SHISA6: variants seen among roughly 807,000 people sequenced by gnomAD.
SHISA6 encodes protein shisa-6.
In SHISA6, 22 loss-of-function variants were observed where a neutral mutation model predicts 47.9. That is an observed-to-expected ratio of 0.46 (90% CI 0.33 to 0.66). SHISA6 has a LOEUF of 0.66. SHISA6 is among the 30% of genes least tolerant of loss of function. SHISA6 has a pLI of 0.02. For synonymous variants in SHISA6, 388 were observed against 337.8 expected, an observed-to-expected ratio of 1.15 and a Z score of -1.63; for missense variants, 680 against 764.6, an observed-to-expected ratio of 0.89 and a Z score of 1.30.
chr17:11,557,030 G>A (rs1309764234), intron 5 of SHISA6, among the ~76,000 whole-genome samples: 2 of 152,268 alleles, frequency 1.3e-5, no homozygotes, highest in African/African-American at 4.8e-5. Context: ...TAAATGAGGC[G>A]CACATGTAAG....
At chr17:11,435,656 G>C (rs1296081076) in intron 3 of SHISA6, among the ~76,000 whole-genome samples, 3 of 152,170 alleles carry the variant, frequency 2.0e-5, no homozygotes, top group African/African-American at 7.2e-5. Flanking sequence ...TTCATCTGAA[G>C]GGGGTATCAT....
chr17:11,555,373 A>G (rs571015666), intron 4 of SHISA6, among the ~76,000 whole-genome samples: 3 of 152,272 alleles, frequency 2.0e-5, no homozygotes, highest in Admixed American at 1.3e-4. Flanking sequence ...GCTATTAGGA[A>G]AAGGACAGCA....
intron 3 of SHISA6, among the ~76,000 whole-genome samples, chr17:11,454,299 G>A (rs1469867549): frequency 1.3e-5 from 2 of 151,996 alleles, no homozygotes; most frequent in Admixed American, 1.3e-4. Flanking sequence ...GTTATCTCTC[G>A]CCTGGGCTTC....
chr17:11,318,060 A>T (rs11653679), intron 2 of SHISA6, among the ~76,000 whole-genome samples: 16,725 of 151,912 alleles, frequency 0.11, 982 homozygotes, highest in East Asian at 0.2. Flanking sequence ...TAAATAGTAA[A>T]TTTTTTTTAT....
At chr17:11,516,011 T>G (rs1229793818) in intron 3 of SHISA6, among the ~76,000 whole-genome samples, 5 of 151,930 alleles carry the variant, frequency 3.3e-5, no homozygotes, top group African/African-American at 9.7e-5. Context: ...CTCAGGGGAG[T>G]GCCAGGGATT....
chr17:11,479,044 A>G (rs1916147200), intron 3 of SHISA6, among the ~76,000 whole-genome samples: 1 of 152,142 alleles, frequency 6.6e-6, no homozygotes, highest in African/African-American at 2.4e-5. Context: ...TTACAGATTC[A>G]ATGCCATCCC....
At chr17:11,396,419 T>G (rs940554810) in intron 3 of SHISA6, among the ~76,000 whole-genome samples, 3 of 152,222 alleles carry the variant, frequency 2.0e-5, no homozygotes, top group African/African-American at 7.2e-5. Context: ...TCCAAGTCTT[T>G]GCTACTGTGA....
At chr17:11,555,069 T>C (rs987067219) in intron 4 of SHISA6, among the ~76,000 whole-genome samples, 1 of 152,146 alleles carries the variant, frequency 6.6e-6, no homozygotes, top group Middle Eastern at 3.2e-3. Context: ...TGCTATGCAT[T>C]TTTGTCTAGA....
chr17:11,486,911 C>T (rs2908982), intron 3 of SHISA6, among the ~76,000 whole-genome samples: 39,444 of 152,100 alleles, frequency 0.26, 5,120 homozygotes, highest in Admixed American at 0.3. Flanking sequence ...GTGTCTAGCC[C>T]GGGGGTCTGC....
At chr17:11,333,729 G>A (rs1403071133) in intron 2 of SHISA6, among the ~76,000 whole-genome samples, 1 of 152,058 alleles carries the variant, frequency 6.6e-6, no homozygotes, top group African/African-American at 2.4e-5. Context: ...TGGCCAGGCT[G>A]GTCTCAAACT....
chr17:11,285,328 C>T (rs983669786), intron 2 of SHISA6, among the ~76,000 whole-genome samples: 1 of 152,136 alleles, frequency 6.6e-6, no homozygotes, highest in Non-Finnish European at 1.5e-5. Flanking sequence ...ATGATTTTTG[C>T]AGGAGTTGCT....
At chr17:11,455,436 G>A (rs1915509761) in intron 3 of SHISA6, among the ~76,000 whole-genome samples, 1 of 152,152 alleles carries the variant, frequency 6.6e-6, no homozygotes, top group Non-Finnish European at 1.5e-5. Flanking sequence ...TCATGGAAGA[G>A]GAGTTCCAGC....
rs145073855 is a variant in SHISA6, at chr17:11,402,880, T to G, written c.895+23371T>G. On this transcript the variant is annotated intron_variant, in intron 3 of 5. Transcript: ENST00000441885. ...ATGCCAAAAGGTGTAGGTTCTCCCT[T>G]TGGGCCAGGGTCAGACAAATAGCTG... is the stretch of plus-strand genomic sequence containing the variant. 1.8e-4 allele frequency among the ~76,000 whole-genome samples: 28 copies of G among 152,284 alleles called. 1 individual carries two copies. The East Asian group carries it at 4.3e-3, about 23-fold the overall frequency.
At chr17:11,413,414 G>C (rs1013838921) in intron 3 of SHISA6, among the ~76,000 whole-genome samples, 13 of 152,174 alleles carry the variant, frequency 8.5e-5, no homozygotes, top group African/African-American at 3.1e-4. Context: ...CCATTGCCCA[G>C]ACATTCAAGG....
At chr17:11,507,368 C>G (rs1277358720) in intron 3 of SHISA6, among the ~76,000 whole-genome samples, 1 of 152,132 alleles carries the variant, frequency 6.6e-6, no homozygotes, top group Non-Finnish European at 1.5e-5. Context: ...CAGAGCACCT[C>G]CCCACCCTCC....
At chr17:11,364,570 A>C (rs1291503129) in intron 2 of SHISA6, among the ~76,000 whole-genome samples, 2 of 152,208 alleles carry the variant, frequency 1.3e-5, no homozygotes, top group Admixed American at 1.3e-4. Context: ...GTATATTGTA[A>C]ATATGCCACA....
At chr17:11,258,507 T>C (rs1484391623) in intron 1 of SHISA6, among the ~76,000 whole-genome samples, 1 of 152,150 alleles carries the variant, frequency 6.6e-6, no homozygotes, top group Admixed American at 6.5e-5. Flanking sequence ...CGAATGAAGA[T>C]TGGGACAAAA....
intron 3 of SHISA6, among the ~76,000 whole-genome samples, chr17:11,411,052 T>A (rs1914100291): frequency 6.6e-6 from 1 of 152,170 alleles, no homozygotes. Context: ...CACTGCAAAC[T>A]CCGCCTCCCA....
chr17:11,469,692 C>T (rs1915893136), intron 3 of SHISA6, among the ~76,000 whole-genome samples: 1 of 152,128 alleles, frequency 6.6e-6, no homozygotes. Flanking sequence ...GCTTTCCCCC[C>T]TTCTCCCTGC....
Sources: allele counts gnomAD v4.1 joint callset (sites outside exome capture counted in the v4.1 genomes callset), GRCh38; gene constraint gnomAD v4.1.1; transcripts MANE v1.5; gene names NCBI Gene and HGNC (gene_info 2026-07-23, HGNC 2026-07-21).